SMARCAD1: variants seen among roughly 807,000 people sequenced by gnomAD.
SMARCAD1 encodes the protein SWI/SNF-related matrix-associated actin-dependent regulator of chromatin subfamily A containing DEAD/H box 1.
SMARCAD1 carries 25 observed loss-of-function variants against 127.1 expected under a neutral mutation model. That is an observed-to-expected ratio of 0.20 (90% CI 0.14 to 0.27). The LOEUF is 0.27. SMARCAD1 is among the 10% of genes least tolerant of loss of function. The pLI is 1.00. For synonymous variants in SMARCAD1, 400 were observed against 396.9 expected, an observed-to-expected ratio of 1.01 and a Z score of -0.09; for missense variants, 807 against 1,206.0, an observed-to-expected ratio of 0.67 and a Z score of 4.90.
At chr4:94,252,304 G>A (rs1749395355) in intron 8 of SMARCAD1, among the ~76,000 whole-genome samples, 1 of 152,202 alleles carries the variant, frequency 6.6e-6, no homozygotes, top group East Asian at 1.9e-4. Flanking sequence ...GCATAGTTGA[G>A]TGGGGCTGCT....
At chr4:94,228,526 G>C (rs1745363726) in intron 3 of SMARCAD1, among the ~76,000 whole-genome samples, 1 of 151,848 alleles carries the variant, frequency 6.6e-6, no homozygotes, top group Non-Finnish European at 1.5e-5. Flanking sequence ...AGTTATACCA[G>C]TAATGTCCTT....
intron 2 of SMARCAD1, among the ~76,000 whole-genome samples, chr4:94,210,262 A>G (rs1741987864): frequency 1.3e-5 from 2 of 152,226 alleles, no homozygotes; most frequent in Non-Finnish European, 2.9e-5. Flanking sequence ...AAATAAGAAA[A>G]CTAAGTTTGT....
At chr4:94,238,543 C>T (rs995994904) in intron 5 of SMARCAD1, among the ~76,000 whole-genome samples, 1 of 152,092 alleles carries the variant, frequency 6.6e-6, no homozygotes, top group Non-Finnish European at 1.5e-5. Flanking sequence ...CTAGCACTTA[C>T]TTTAAAAGCT....
In SMARCAD1 at chr4:94,268,330, CAA is replaced by C. The variant is rs1360532766; in HGVS notation, c.1482-2397_1482-2396del. Among the ~76,000 whole-genome samples the C allele has an allele frequency of 1.2e-4, 18 of 151,940 alleles. No homozygotes were observed. The East Asian group carries it at 3.5e-3, about 29-fold the overall frequency. ...TTGACAGTTAAATAGACTCTTTTCC[CAA>C]TGTGTGTTGGTGATGAAGAATTTCA... On this transcript the variant is annotated intron_variant, in intron 10 of 23. Transcript: ENST00000354268.
At chr4:94,232,470 T>C (rs1360760258) in intron 3 of SMARCAD1, among the ~76,000 whole-genome samples, 1 of 152,138 alleles carries the variant, frequency 6.6e-6, no homozygotes, top group Non-Finnish European at 1.5e-5. Flanking sequence ...TAGAGAGGCA[T>C]AATGAAAATT....
At chr4:94,236,919 A>G (rs760997200) in intron 4 of SMARCAD1, 33 bp from the exon 5 acceptor site, 1 of 1,549,488 alleles carries the variant, frequency 6.5e-7, no homozygotes. Flanking sequence ...TAAAGTGCTG[A>G]TTTAAAACAT....
chr4:94,215,810 G>A (rs1743079759), intron 2 of SMARCAD1, among the ~76,000 whole-genome samples: 1 of 151,970 alleles, frequency 6.6e-6, no homozygotes, highest in African/African-American at 2.4e-5. Flanking sequence ...GTATGTTATT[G>A]TTGCTTTTTC....
chr4:94,220,706 T>A (rs573132735), intron 2 of SMARCAD1, among the ~76,000 whole-genome samples: 1 of 152,364 alleles, frequency 6.6e-6, no homozygotes, highest in East Asian at 1.9e-4. Context: ...AAAGCAATCA[T>A]AGGTAAAATT....
chr4:94,233,607 C>T (rs1461155570), intron 3 of SMARCAD1, among the ~76,000 whole-genome samples: 2 of 152,052 alleles, frequency 1.3e-5, no homozygotes, highest in Non-Finnish European at 2.9e-5. Flanking sequence ...AGCATAACTT[C>T]GTCTGACATA....
At chr4:94,272,705 G>A (rs1013148028) in intron 11 of SMARCAD1, among the ~76,000 whole-genome samples, 3 of 151,954 alleles carry the variant, frequency 2.0e-5, no homozygotes, top group African/African-American at 7.3e-5. Flanking sequence ...TTTTTAAATT[G>A]CCATGTGGTA....
At chr4:94,211,379 T>C in intron 2 of SMARCAD1, among the ~76,000 whole-genome samples, 1 of 152,210 alleles carries the variant, frequency 6.6e-6, no homozygotes, top group East Asian at 1.9e-4. Flanking sequence ...GAATTGAGTG[T>C]TGGATCTCTG....
intron 12 of SMARCAD1, among the ~76,000 whole-genome samples, chr4:94,274,284 T>C (rs1222877265): frequency 1.3e-5 from 2 of 152,176 alleles, no homozygotes; most frequent in East Asian, 3.8e-4. Flanking sequence ...GTAAAGGGTC[T>C]GTGATAAAAA....
chr4:94,273,644 G>T lies in SMARCAD1; in HGVS notation c.1600G>T (p.Ala534Ser). The T allele has an allele frequency of 1.2e-6, 2 of 1,613,722 alleles. No homozygotes were observed. The highest frequency in any genetic ancestry group is 1.7e-6 in the Non-Finnish European group (2 of 1,179,818). Reference sequence around the variant, plus strand: ...CCTAGGAAAAACTATTCAAGCCATTGCATTTCTGGCATACCTCTATCAGGA... The same window carrying T: ...CCTAGGAAAAACTATTCAAGCCATTTCATTTCTGGCATACCTCTATCAGGA... ...MGLGKTIQAI[A>S]FLAYLYQEGN... is the part of the protein sequence containing the mutation. The change falls in exon 12 of 24, where the codon GCA (alanine) becomes TCA (serine). Residue 534 changes from alanine (A) to serine (S), a missense_variant. Around this residue, in one of 8 missense-constraint regions of SMARCAD1, gnomAD observed 148 missense variants for 313.2 expected, o/e 0.47. Coordinates refer to ENST00000354268, the MANE Select transcript of SMARCAD1 (RefSeq NM_020159.5).
intron 9 of SMARCAD1, among the ~76,000 whole-genome samples, chr4:94,254,769 G>A (rs1749801057): frequency 6.6e-6 from 1 of 152,040 alleles, no homozygotes; most frequent in African/African-American, 2.4e-5. Context: ...CAGCAAAGTA[G>A]GTGAATGAGC....
At chr4:94,227,281 A>G (rs1349512643) in intron 3 of SMARCAD1, among the ~76,000 whole-genome samples, 2 of 152,172 alleles carry the variant, frequency 1.3e-5, no homozygotes, top group East Asian at 3.9e-4. Flanking sequence ...GCTTCATCAC[A>G]TTAGTTCCAT....
chr4:94,269,323 A>C (rs1393265822), intron 10 of SMARCAD1, among the ~76,000 whole-genome samples: 4 of 152,168 alleles, frequency 2.6e-5, no homozygotes, highest in Non-Finnish European at 5.9e-5. Flanking sequence ...AGAGGAGATT[A>C]AGGGGACAGG....
At chr4:94,289,434 A>G (rs370967642) in intron 23 of SMARCAD1, 39 bp from the exon 24 acceptor site, 1 of 1,557,100 alleles carries the variant, frequency 6.4e-7, no homozygotes, top group Admixed American at 1.7e-5. Flanking sequence ...TAAGTAAAAT[A>G]TTTTTATAAA....
intron 2 of SMARCAD1, among the ~76,000 whole-genome samples, 158 bp from the exon 3 acceptor site, chr4:94,225,961 G>A (rs894138261): frequency 1.3e-5 from 2 of 152,286 alleles, no homozygotes; most frequent in East Asian, 3.9e-4. Context: ...ACCAGCCCTG[G>A]TTGATGATTA....
At chr4:94,215,260 ATTG>A (rs1315931498) in intron 2 of SMARCAD1, among the ~76,000 whole-genome samples, 2 of 152,190 alleles carry the variant, frequency 1.3e-5, no homozygotes, top group African/African-American at 2.4e-5. Flanking sequence ...TTAGTGCTGA[ATTG>A]TTGTAACAGA....
Sources: allele counts gnomAD v4.1 joint callset (sites outside exome capture counted in the v4.1 genomes callset), GRCh38; gene constraint gnomAD v4.1.1; regional missense constraint gnomAD v4.1.1; transcripts MANE v1.5; gene names NCBI Gene and HGNC (gene_info 2026-07-23, HGNC 2026-07-21).